The following UNC5C variants were observed in gnomAD, a reference collection of about 807,000 sequenced individuals.
UNC5C encodes the protein unc-5 netrin receptor C.
Under a neutral mutation model 99.8 loss-of-function variants are expected in UNC5C, and 47 were observed. That is an observed-to-expected ratio of 0.47 (90% CI 0.37 to 0.60). The LOEUF is 0.60. Ranked by LOEUF, UNC5C falls within the 20% of genes least tolerant of loss-of-function variation. The pLI is 0.00. For missense variants in UNC5C, 1,062 were observed against 1,165.9 expected (o/e 0.91, Z 1.30); for synonymous variants, 487 against 452.2 (o/e 1.08, Z -0.98).
intron 3 of UNC5C, among the ~76,000 whole-genome samples, chr4:95,280,242 C>A (rs1220958310): frequency 2.0e-5 from 3 of 152,160 alleles, no homozygotes; most frequent in Non-Finnish European, 4.4e-5. Context: ...TTGAATTTCT[C>A]AGCAGAAGAA....
At chr4:95,446,541 C>T (rs769474095) in intron 1 of UNC5C, among the ~76,000 whole-genome samples, 10 of 150,492 alleles carry the variant, frequency 6.6e-5, no homozygotes, top group Admixed American at 2.0e-4. Flanking sequence ...TAGGGATTGA[C>T]GGAAAGTAGA....
At chr4:95,301,825 T>C in intron 2 of UNC5C, 76 bp from the exon 3 acceptor site, 1 of 1,521,134 alleles carries the variant, frequency 6.6e-7, no homozygotes, top group Admixed American at 2.0e-5. Flanking sequence ...CATCATATTT[T>C]TCCCCCAGTC....
chr4:95,195,732 A>T (rs1279482879), intron 12 of UNC5C, among the ~76,000 whole-genome samples: 2 of 152,132 alleles, frequency 1.3e-5, no homozygotes, highest in African/African-American at 4.8e-5. Flanking sequence ...ACAATTCTCA[A>T]CTAGACTTCC....
At chr4:95,282,522 T>C (rs1022038398) in intron 3 of UNC5C, among the ~76,000 whole-genome samples, 1 of 152,240 alleles carries the variant, frequency 6.6e-6, no homozygotes, top group African/African-American at 2.4e-5. Context: ...AAATTTTATT[T>C]AACATGTACA....
At chr4:95,303,395 C>T (rs1246145111) in intron 2 of UNC5C, among the ~76,000 whole-genome samples, 1 of 152,114 alleles carries the variant, frequency 6.6e-6, no homozygotes, top group African/African-American at 2.4e-5. Context: ...CTCAGTTTCC[C>T]CCAGGCACTG....
At chr4:95,193,638 CTG>C (rs1253932484) in intron 12 of UNC5C, among the ~76,000 whole-genome samples, 1 of 152,206 alleles carries the variant, frequency 6.6e-6, no homozygotes, top group East Asian at 1.9e-4. Context: ...GCTGAGAAAT[CTG>C]TGCCTTTGCG....
intron 1 of UNC5C, among the ~76,000 whole-genome samples, chr4:95,387,638 A>G (rs1316480062): frequency 6.6e-6 from 1 of 151,858 alleles, no homozygotes; most frequent in Non-Finnish European, 1.5e-5. Flanking sequence ...TCATCCTAAA[A>G]CTCTGTGTTT....
At chr4:95,458,831 T>A (rs546534815) in intron 1 of UNC5C, among the ~76,000 whole-genome samples, 1 of 152,220 alleles carries the variant, frequency 6.6e-6, no homozygotes, top group East Asian at 1.9e-4. Flanking sequence ...TTTAATAGAA[T>A]ATTGAACTTC....
Position 95,172,523 on chromosome 4 carries a change from C to T in UNC5C, c.2452-2191G>A, listed in dbSNP as rs534497219. Among the ~76,000 whole-genome samples, 9 of 152,146 alleles carry T rather than the reference C, an allele frequency of 5.9e-5. No homozygotes were observed. In the South Asian group the frequency reaches 1.9e-3, roughly 32 times the overall value. Reference sequence around the variant, plus strand: ...TCATTTCCCCATTGCTTGTTTTTCTCAGGTTAGTCAAAGATCAGATAGTTG... The same window carrying T: ...TCATTTCCCCATTGCTTGTTTTTCTTAGGTTAGTCAAAGATCAGATAGTTG... On this transcript the variant is annotated intron_variant, in intron 14 of 15. Transcript: ENST00000453304.
rs1323201142 is a variant in UNC5C at position 95,356,201 on chromosome 4, AAAAAAAAAAAACAAAAC to A, written c.125-20587_125-20571del. ...AGAGGAAGACCCTGTAGCAAAAAAA[AAAAAAAAAAAACAAAAC>A]AAAAAAAAAACAGATTCCTCGTTCT... On this transcript the variant is annotated intron_variant, in intron 1 of 15. Transcript: ENST00000453304. Among the ~76,000 whole-genome samples the A allele has an allele frequency of 3.7e-3, 491 of 132,794 alleles. 10 individuals carry two copies. Among genetic ancestry groups the A allele is most frequent in the African/African-American group, 0.013 (461 of 35,328 alleles). The allele number at this position is 132,794 out of a possible 152,430, so 87.1% of individuals were successfully genotyped here.
chr4:95,213,725 A>G (rs1046505331), intron 10 of UNC5C, among the ~76,000 whole-genome samples: 1 of 152,212 alleles, frequency 6.6e-6, no homozygotes, highest in Non-Finnish European at 1.5e-5. Context: ...AATGCTCAGA[A>G]TTTTCCTACG....
intron 1 of UNC5C, among the ~76,000 whole-genome samples, chr4:95,350,337 A>G (rs534496703): frequency 2.0e-5 from 3 of 152,166 alleles, no homozygotes; most frequent in Non-Finnish European, 2.9e-5. Context: ...AAATACAAAA[A>G]TTAGCTGGGC....
At position 95,548,786 on chromosome 4, in the gene UNC5C, C is replaced by T. The variant is rs1184519705; in HGVS notation, c.72G>A (p.Val24=). 6.2e-7 allele frequency: 1 copy of T among 1,613,410 alleles called. No homozygotes were observed. The change falls in exon 1 of 16, where the codon GTG becomes GTA. Residue 24 remains valine (V), a synonymous_variant. Transcript: ENST00000453304. ...CGCTGAGCAGGGCCAGGGCAGGTAG[C>T]ACGAGCATTTGCAGCAAGTATCCCA... ...LGLGYLLQML[V]LPALALLSAS...
At chr4:95,176,644 A>G (rs1221953138) in intron 14 of UNC5C, among the ~76,000 whole-genome samples, 2 of 152,180 alleles carry the variant, frequency 1.3e-5, no homozygotes, top group East Asian at 3.9e-4. Context: ...GCTCTCTTCA[A>G]AGCTGTCTGA....
At chr4:95,276,152 G>C (rs1740852454) in intron 4 of UNC5C, among the ~76,000 whole-genome samples, 1 of 152,022 alleles carries the variant, frequency 6.6e-6, no homozygotes, top group African/African-American at 2.4e-5. Context: ...AATGGCAGTT[G>C]TAATATGTCA....
chr4:95,335,431 C>T lies in UNC5C; in HGVS notation c.325G>A (p.Glu109Lys). 2 of 1,611,390 alleles carry T rather than the reference C, an allele frequency of 1.2e-6. No homozygotes were observed. The highest frequency in any genetic ancestry group is 1.7e-6 in the Non-Finnish European group (2 of 1,178,490). The change falls in exon 2 of 16, where the codon GAA (glutamate) becomes AAA (lysine). Residue 109 changes from glutamate to lysine, a missense_variant. By Grantham distance (56) the Glu-to-Lys change is moderately conservative. Transcript: ENST00000453304. ...WVHQKDHIVD[E>K]RVDETSGLIV... ...TCACCGGAAGTTTCATCTACTCTTT[C>T]ATCTACTATGTGGTCCTTCTGATGA...
intron 1 of UNC5C, among the ~76,000 whole-genome samples, chr4:95,515,688 A>AG (rs1456573883): frequency 1.3e-5 from 2 of 152,234 alleles, no homozygotes; most frequent in African/African-American, 4.8e-5. Flanking sequence ...AACAGATCTA[A>AG]GGGGAAAAAA....
chr4:95,448,263 A>AGAGAGAGAG (rs1420042351), intron 1 of UNC5C, among the ~76,000 whole-genome samples: 14 of 139,152 alleles, frequency 1.0e-4, no homozygotes, highest in South Asian at 7.0e-4. Context: ...AGAGAGAGAG[A>AGAGAGAGAG]AAGCCTGATT....
At chr4:95,324,109 A>G (rs1742800604) in intron 2 of UNC5C, among the ~76,000 whole-genome samples, 2 of 152,180 alleles carry the variant, frequency 1.3e-5, no homozygotes, top group Middle Eastern at 3.2e-3. Context: ...ACATGCTAAT[A>G]CAGAGGTCCC....
Sources: allele counts gnomAD v4.1 joint callset (sites outside exome capture counted in the v4.1 genomes callset), GRCh38; gene constraint gnomAD v4.1.1; transcripts MANE v1.5; gene names NCBI Gene and HGNC (gene_info 2026-07-23, HGNC 2026-07-21).